The following TNS3 variants were observed in gnomAD, a reference collection of about 807,000 sequenced individuals.
TNS3 encodes the protein tensin-3.
Under a neutral mutation model 140.9 loss-of-function variants are expected in TNS3, and 45 were observed. The ratio of observed to expected loss-of-function variants is 0.32; its 90% confidence interval spans 0.25 to 0.41. The LOEUF is 0.41. Among genes scored for constraint, TNS3 ranks in the 10% least tolerant of loss-of-function variants. TNS3 has a pLI of 1.00. For synonymous variants in TNS3, 815 were observed against 788.4 expected (o/e 1.03, Z -0.56); for missense variants, 1,716 against 1,906.7 (o/e 0.90, Z 1.86).
chr7:47,531,771 C>T (rs1177664961), intron 1 of TNS3, among the ~76,000 whole-genome samples: 2 of 152,180 alleles, frequency 1.3e-5, no homozygotes, highest in South Asian at 2.1e-4. Flanking sequence ...GTGGGAGCTC[C>T]ACCCCTTCTG....
chr7:47,509,114 C>A (rs567204238), intron 2 of TNS3, among the ~76,000 whole-genome samples: 1 of 152,298 alleles, frequency 6.6e-6, no homozygotes, highest in Non-Finnish European at 1.5e-5. Flanking sequence ...CAACTCAACA[C>A]AAAAAAATGG....
intron 7 of TNS3, among the ~76,000 whole-genome samples, chr7:47,435,656 T>C (rs1338399400): frequency 6.6e-6 from 1 of 152,088 alleles, no homozygotes; most frequent in Non-Finnish European, 1.5e-5. Context: ...GGGTGACAAT[T>C]CTAGAAAGGT....
intron 20 of TNS3, among the ~76,000 whole-genome samples, chr7:47,318,081 T>A (rs1787515095): frequency 6.6e-6 from 1 of 152,198 alleles, no homozygotes; most frequent in African/African-American, 2.4e-5. Flanking sequence ...CTTTCCCCAT[T>A]GAAATAATTT....
chr7:47,305,894 T>G (rs922412695), intron 20 of TNS3, among the ~76,000 whole-genome samples: 14 of 152,232 alleles, frequency 9.2e-5, no homozygotes, highest in Admixed American at 1.3e-4. Flanking sequence ...TAATGAGGAT[T>G]GATAAGAGAA....
At chr7:47,578,435 TCA>T in intron 1 of TNS3, among the ~76,000 whole-genome samples, 1 of 152,056 alleles carries the variant, frequency 6.6e-6, no homozygotes, top group Non-Finnish European at 1.5e-5. Flanking sequence ...GCCCCCATCC[TCA>T]GTCACCCTCA....
intron 6 of TNS3, 130 bp downstream of exon 6, chr7:47,439,357 G>C: frequency 9.8e-7 from 1 of 1,022,342 alleles, no homozygotes; most frequent in Non-Finnish European, 1.4e-6. Context: ...AAGGCGCCAC[G>C]GACAGCTGTG....
At chr7:47,330,650 G>A (rs2150911633) in intron 20 of TNS3, among the ~76,000 whole-genome samples, 1 of 152,158 alleles carries the variant, frequency 6.6e-6, no homozygotes, top group East Asian at 1.9e-4. Context: ...GGGAGAGAAG[G>A]GGCAACAGGA....
chr7:47,327,923 AC>A (rs1788114114), intron 20 of TNS3, among the ~76,000 whole-genome samples: 1 of 152,128 alleles, frequency 6.6e-6, no homozygotes, highest in Non-Finnish European at 1.5e-5. Context: ...AGCACAGAAG[AC>A]ACCAGGCGTG....
intron 24 of TNS3, among the ~76,000 whole-genome samples, chr7:47,294,947 A>G (rs1785920775): frequency 6.6e-6 from 1 of 152,200 alleles, no homozygotes; most frequent in African/African-American, 2.4e-5. Flanking sequence ...TCTCTGGAGA[A>G]CAGCATCCAG....
At chr7:47,514,815 G>C (rs1798726373) in intron 2 of TNS3, among the ~76,000 whole-genome samples, 1 of 152,132 alleles carries the variant, frequency 6.6e-6, no homozygotes, top group African/African-American at 2.4e-5. Context: ...CACAAAACTT[G>C]TAACTTTTGG....
chr7:47,303,193 T>A lies in TNS3; in HGVS notation c.3214A>T (p.Thr1072Ser). 6.2e-7 allele frequency: 1 copy of A among 1,611,328 alleles called. No individual in the cohort carries two copies. The highest frequency in any genetic ancestry group is 8.5e-7 in the Non-Finnish European group (1 of 1,178,110). ...DNGFLSHNFLTVAPGHSSHHS... is the reference protein window; with the variant it reads ...DNGFLSHNFLSVAPGHSSHHS... Reference sequence around the variant, plus strand: ...TGGCTGCTGTGTCCAGGCGCCACCGTGAGAAAGTTGTGGGACAGGAAGCCA... The same window carrying A: ...TGGCTGCTGTGTCCAGGCGCCACCGAGAGAAAGTTGTGGGACAGGAAGCCA... The change falls in exon 22 of 31, where the codon ACG (threonine) becomes TCG (serine). Residue 1072 changes from threonine (T) to serine (S), a missense_variant. Thr to Ser is a moderately conservative substitution (Grantham distance 58, BLOSUM62 1). Transcript: ENST00000311160.
chr7:47,352,851 G>T (rs747986123), intron 17 of TNS3, among the ~76,000 whole-genome samples: 1 of 152,132 alleles, frequency 6.6e-6, no homozygotes, highest in East Asian at 1.9e-4. Flanking sequence ...GCTGGGTCTC[G>T]AGTGTGCACA....
At chr7:47,311,605 A>G (rs1033585070) in intron 20 of TNS3, among the ~76,000 whole-genome samples, 1 of 152,232 alleles carries the variant, frequency 6.6e-6, no homozygotes, top group Non-Finnish European at 1.5e-5. Context: ...TAGGAAGAAA[A>G]TATGCAGTCT....
In TNS3 at chr7:47,392,727, G is replaced by A. The variant is rs567038498; in HGVS notation, c.1024+4073C>T. Among the ~76,000 whole-genome samples, 28 of 152,366 alleles carry A rather than the reference G, an allele frequency of 1.8e-4. 1 individual carries two copies. The South Asian group carries it at 5.8e-3, about 32-fold the overall frequency. The stretch of plus-strand genomic sequence containing the variant: ...CGCAGGCAAGAGCGAAGACTGCCTG[G>A]AGTAATAGCTCACCAATGCAGCACA... On this transcript the variant is annotated intron_variant, in intron 16 of 30. Coordinates refer to ENST00000311160, the MANE Select transcript of TNS3 (RefSeq NM_022748.12).
intron 4 of TNS3, among the ~76,000 whole-genome samples, chr7:47,478,935 T>C (rs1276263243): frequency 1.1e-5 from 1 of 88,228 alleles, no homozygotes; most frequent in Non-Finnish European, 2.5e-5. Context: ...ATTACACACA[T>C]AATACACACA....
chr7:47,559,354 A>T (rs995657961), intron 1 of TNS3, among the ~76,000 whole-genome samples: 2 of 152,162 alleles, frequency 1.3e-5, no homozygotes, highest in Non-Finnish European at 2.9e-5. Context: ...CATCTCACAA[A>T]AAATAAATAA....
chr7:47,323,267 C>T (rs1304389169), intron 20 of TNS3, among the ~76,000 whole-genome samples: 2 of 152,146 alleles, frequency 1.3e-5, no homozygotes, highest in South Asian at 2.1e-4. Context: ...CACCTATCTT[C>T]GAATCTTCAA....
chr7:47,484,261 T>C (rs924917914), intron 3 of TNS3, among the ~76,000 whole-genome samples: 5 of 152,226 alleles, frequency 3.3e-5, no homozygotes, highest in Admixed American at 1.3e-4. Context: ...AGGGACATTC[T>C]AGAAGCAAAG....
At chr7:47,398,021 T>G (rs1792933150) in intron 15 of TNS3, among the ~76,000 whole-genome samples, 1 of 152,168 alleles carries the variant, frequency 6.6e-6, no homozygotes, top group Non-Finnish European at 1.5e-5. Context: ...CATTCAAGAC[T>G]ATTATGAACA....
Sources: allele counts gnomAD v4.1 joint callset (sites outside exome capture counted in the v4.1 genomes callset), GRCh38; gene constraint gnomAD v4.1.1; transcripts MANE v1.5; gene names NCBI Gene and HGNC (gene_info 2026-07-23, HGNC 2026-07-21).